IGFBP5: variants seen among roughly 807,000 people sequenced by gnomAD.
IGFBP5 encodes the protein insulin-like growth factor-binding protein 5.
In IGFBP5, 12 loss-of-function variants were observed where a neutral mutation model predicts 28.0. The ratio of observed to expected loss-of-function variants is 0.43; its 90% confidence interval spans 0.27 to 0.69. IGFBP5 has a LOEUF of 0.69. Among genes scored for constraint, IGFBP5 ranks in the 30% least tolerant of loss-of-function variants. The pLI is 0.20. For synonymous variants in IGFBP5, 152 were observed against 150.2 expected, an observed-to-expected ratio of 1.01 and a Z score of -0.09; for missense variants, 344 against 381.6, an observed-to-expected ratio of 0.90 and a Z score of 0.82.
rs1689110844 is a variant in IGFBP5 at position 216,692,389 on chromosome 2, G to GTGTC, written c.337+2049_337+2050insGACA. ...TGTGTGTGTGTGTGTGTGTGTGTGT[G>GTGTC]TGTGTGTGTGTGTGATGCGCCCTCC... is the stretch of plus-strand genomic sequence containing the variant. On this transcript the variant is annotated intron_variant, in intron 1 of 3. Transcript: ENST00000233813. This position sits in a 1 kb window ranked among gnomAD's most constrained non-coding sequence, Gnocchi z 4.2. Among the ~76,000 whole-genome samples, 1 of 151,520 alleles carries GTGTC rather than the reference G, an allele frequency of 6.6e-6. No homozygotes were observed. The highest frequency in any genetic ancestry group is 1.5e-5 in the Non-Finnish European group (1 of 67,634).
chr2:216,681,146 G>C (rs1688974002), intron 1 of IGFBP5, among the ~76,000 whole-genome samples: 3 of 152,208 alleles, frequency 2.0e-5, no homozygotes, highest in Non-Finnish European at 2.9e-5. Flanking sequence ...TCAGATCTTG[G>C]AGAAGAGGGA....
At position 216,692,362 on chromosome 2, in the gene IGFBP5, C is replaced by CGTGTGTGTGTGTGTGTGTGT. The variant is rs59144401; in HGVS notation, c.337+2057_337+2076dup. 2.1e-5 allele frequency among the ~76,000 whole-genome samples: 3 copies of CGTGTGTGTGTGTGTGTGTGT among 142,534 alleles called. No individual in the cohort carries two copies. The highest frequency in any genetic ancestry group is 4.3e-4 in the East Asian group (2 of 4,644). The allele number at this position is 142,534 out of a possible 152,430, so 93.5% of individuals were successfully genotyped here. The stretch of plus-strand genomic sequence containing the variant: ...GGGATCTTGCTTGGGACTGAAGTGT[C>CGTGTGTGTGTGTGTGTGTGT]GTGTGTGTGTGTGTGTGTGTGTGTG... On this transcript the variant is annotated intron_variant, in intron 1 of 3. Coordinates refer to ENST00000233813, the MANE Select transcript of IGFBP5 (RefSeq NM_000599.4). The surrounding 1 kb of genome is among the most constrained non-coding windows in gnomAD (Gnocchi z 4.2).
Position 216,676,682 on chromosome 2 carries a change from GA to G in IGFBP5, c.*68del. 9.9e-7 allele frequency: 1 copy of G among 1,011,344 alleles called. No homozygotes were observed. Among genetic ancestry groups the G allele is most frequent in the Non-Finnish European group, 1.5e-6 (1 of 668,202 alleles). The allele number at this position is 1,011,344 out of a possible 1,614,324, so 62.6% of individuals were successfully genotyped here. A position where few individuals can be genotyped will look rare whatever the true frequency, so the allele number is the denominator to read the frequency against. On this transcript the variant is annotated 3_prime_UTR_variant, in exon 4 of 4. Transcript: ENST00000233813. ...ATGAAATGAGTGGCGTCCTGGGGTG[GA>G]GGGAGGCGCTGGCTGGAGTCGGGGC...
intron 1 of IGFBP5, among the ~76,000 whole-genome samples, chr2:216,681,592 T>C (rs1488415622): frequency 6.6e-6 from 1 of 152,142 alleles, no homozygotes; most frequent in Non-Finnish European, 1.5e-5. Context: ...TCCATCCCCC[T>C]GTGTCCAAGC....
In IGFBP5 at chr2:216,678,104, G is replaced by T; in HGVS notation, c.687+8C>A. ...GTCTGAGCCTGGAGCTCAGGGCAGGGGACGTACCTGCTTTCTCTTGTAGAA... is the reference window on the plus strand; with the variant it reads ...GTCTGAGCCTGGAGCTCAGGGCAGGTGACGTACCTGCTTTCTCTTGTAGAA... On this transcript the variant is annotated splice_region_variant and intron_variant, in intron 3 of 3. Transcript: ENST00000233813. 6.7e-7 allele frequency: 1 copy of T among 1,496,728 alleles called. No individual in the cohort carries two copies. The highest frequency in any genetic ancestry group is 1.4e-5 in the South Asian group (1 of 73,086). The allele number at this position is 1,496,728 out of a possible 1,614,324, so 92.7% of individuals were successfully genotyped here.
Position 216,694,607 on chromosome 2 carries a change from T to C in IGFBP5, c.169A>G (p.Met57Val), listed in dbSNP as rs1407841421. ...TGCCCCTCGGCCAGGGCGCAGGTCA[T>C]GCAGCAGCCGCAGCCCGGCTCCTTG... ...LVKEPGCGCCMTCALAEGQSC... is the reference protein window; with the variant it reads ...LVKEPGCGCCVTCALAEGQSC... The change falls in exon 1 of 4, where the codon ATG becomes GTG. Residue 57 changes from methionine to valine, a missense_variant. This residue lies in a region of IGFBP5 where 304 missense variants were observed against 329.2 expected (regional missense o/e 0.92). Coordinates refer to ENST00000233813, the MANE Select transcript of IGFBP5 (RefSeq NM_000599.4). This position sits in a 1 kb window ranked among gnomAD's most constrained non-coding sequence, Gnocchi z 5.2. The C allele has an allele frequency of 1.3e-6, 2 of 1,542,998 alleles. No individual in the cohort carries two copies. Among genetic ancestry groups the C allele is most frequent in the South Asian group, 2.4e-5 (2 of 82,672 alleles).
chr2:216,694,422 A>G lies in IGFBP5; in HGVS notation c.337+17T>C. On this transcript the variant is annotated intron_variant, in intron 1 of 3. Transcript: ENST00000233813. The surrounding 1 kb of genome is among the most constrained non-coding windows in gnomAD (Gnocchi z 5.2). Reference sequence around the variant, plus strand: ...CCCGTGCGCCGCGTAACTGACTGGCACACTGAGCGCGCTCACCGATCTTGA... The same window carrying G: ...CCCGTGCGCCGCGTAACTGACTGGCGCACTGAGCGCGCTCACCGATCTTGA... The G allele has an allele frequency of 6.7e-7, 1 of 1,500,644 alleles. No individual in the cohort carries two copies. The highest frequency in any genetic ancestry group is 8.9e-7 in the Non-Finnish European group (1 of 1,126,766). The allele number at this position is 1,500,644 out of a possible 1,614,324, so 93.0% of individuals were successfully genotyped here.
chr2:216,683,539 G>A (rs754368696), intron 1 of IGFBP5, among the ~76,000 whole-genome samples: 1 of 152,202 alleles, frequency 6.6e-6, no homozygotes, highest in Non-Finnish European at 1.5e-5. Context: ...GGAGAGTGAA[G>A]GCAGGTGAGG....
Position 216,679,164 on chromosome 2 carries a change from G to A in IGFBP5, c.338-85C>T. ...CCAGGGCTGGGCAGTTTGGGGTGAG[G>A]GGAGTAATAAAGGCTGAAGCAGATG... On this transcript the variant is annotated intron_variant, in intron 1 of 3. Transcript: ENST00000233813. This position sits in a 1 kb window ranked among gnomAD's most constrained non-coding sequence, Gnocchi z 4.6. 5 of 1,048,438 alleles carry A rather than the reference G, an allele frequency of 4.8e-6. No individual in the cohort carries two copies. The highest frequency in any genetic ancestry group is 7.4e-6 in the Non-Finnish European group (5 of 679,048). The allele number at this position is 1,048,438 out of a possible 1,614,324, so 64.9% of individuals were successfully genotyped here.
rs138553887 is a variant in IGFBP5, at chr2:216,678,890, C to T, written c.527G>A (p.Arg176Gln). 82 of 1,614,154 alleles carry T rather than the reference C, an allele frequency of 5.1e-5. No homozygotes were observed. Among genetic ancestry groups the T allele is most frequent in the Non-Finnish European group, 6.4e-5 (76 of 1,180,014 alleles). The change falls in exon 2 of 4, where the codon CGG becomes CAG. Residue 176 changes from arginine (R) to glutamine (Q), a missense_variant. Physicochemically the swap from Arg to Gln is conservative, Grantham distance 43 (BLOSUM62 1). Around this residue, in one of 3 missense-constraint regions of IGFBP5, gnomAD observed 304 missense variants for 329.2 expected, o/e 0.92. Transcript: ENST00000233813. The stretch of plus-strand genomic sequence containing the variant: ...TCTCATCTCAGGTGCAGAGATGATC[C>T]GGGGGTGGGCAGTGTTCTCGGCTCC... ...VGGAENTAHP[R>Q]IISAPEMRQE...
chr2:216,679,004 C>G lies in IGFBP5; in HGVS notation c.413G>C (p.Arg138Pro). 6.2e-7 allele frequency: 1 copy of G among 1,614,068 alleles called. No homozygotes were observed. Among genetic ancestry groups the G allele is most frequent in the Non-Finnish European group, 8.5e-7 (1 of 1,180,016 alleles). The change falls in exon 2 of 4, where the codon CGG becomes CCG. Residue 138 changes from arginine (R) to proline (P), a missense_variant. By Grantham distance (103) the Arg-to-Pro change is moderately radical (BLOSUM62 -2). Coordinates refer to ENST00000233813, the MANE Select transcript of IGFBP5 (RefSeq NM_000599.4). The surrounding 1 kb of genome is among the most constrained non-coding windows in gnomAD (Gnocchi z 4.6). ...AEETYSPKIF[R>P]PKHTRISELK... ...CTCGGAGATGCGGGTGTGTTTGGGC[C>G]GGAAGATCTTGGGGGAGTAGGTCTC...
At chr2:216,693,813 T>C (rs1280411042) in intron 1 of IGFBP5, among the ~76,000 whole-genome samples, 1 of 152,056 alleles carries the variant, frequency 6.6e-6, no homozygotes, top group Non-Finnish European at 1.5e-5. Context: ...GCAATGGTTA[T>C]GCACATGGGA....
chr2:216,694,582 T>G lies in IGFBP5; in HGVS notation c.194A>C (p.Gln65Pro). Residue 65 changes from glutamine to proline, a missense_variant, in exon 1 of 4, where the codon CAG becomes CCG. By Grantham distance (76) the Gln-to-Pro change is moderately conservative. This residue lies in a region of IGFBP5 where 304 missense variants were observed against 329.2 expected (regional missense o/e 0.92). Coordinates refer to ENST00000233813, the MANE Select transcript of IGFBP5 (RefSeq NM_000599.4). The surrounding 1 kb of genome is among the most constrained non-coding windows in gnomAD (Gnocchi z 5.2). ...CCMTCALAEG[Q>P]SCGVYTERCA... ...GCGCTCGGTGTAGACGCCGCACGACTGCCCCTCGGCCAGGGCGCAGGTCAT... is the reference window on the plus strand; with the variant it reads ...GCGCTCGGTGTAGACGCCGCACGACGGCCCCTCGGCCAGGGCGCAGGTCAT... 6.4e-7 allele frequency: 1 copy of G among 1,553,354 alleles called. No individual in the cohort carries two copies. The highest frequency in any genetic ancestry group is 8.7e-7 in the Non-Finnish European group (1 of 1,151,066).
In IGFBP5 at chr2:216,678,130, T is replaced by C. The variant is rs1455716832; in HGVS notation, c.669A>G (p.Gly223=). 6.4e-7 allele frequency: 1 copy of C among 1,557,632 alleles called. No homozygotes were observed. The highest frequency in any genetic ancestry group is 8.7e-7 in the Non-Finnish European group (1 of 1,146,140). ...GACGTACCTGCTTTCTCTTGTAGAA[T>C]CCTTTGCGGTCACAATTGGGCAGGT... The part of the protein sequence containing the change: ...AVYLPNCDRK[G]FYKRKQCKPS... The change falls in exon 3 of 4, where the codon GGA becomes GGG. Residue 223 remains glycine (G), a synonymous_variant. Transcript: ENST00000233813.
chr2:216,681,427 C>A (rs371129837), intron 1 of IGFBP5, among the ~76,000 whole-genome samples: 1 of 152,060 alleles, frequency 6.6e-6, no homozygotes, highest in Non-Finnish European at 1.5e-5. Flanking sequence ...TGCTGACCAG[C>A]GCATGCGTCT....
chr2:216,676,493 G>T lies in IGFBP5; in HGVS notation c.*258C>A. 3.5e-6 allele frequency: 1 copy of T among 285,516 alleles called. No homozygotes were observed. The highest frequency in any genetic ancestry group is 4.2e-5 in the South Asian group (1 of 23,540). 17.7% of individuals were successfully genotyped at this position (285,516 alleles called of 1,614,324 possible). A position where few individuals can be genotyped will look rare whatever the true frequency, so the allele number is the denominator to read the frequency against. On this transcript the variant is annotated 3_prime_UTR_variant, in exon 4 of 4. Transcript: ENST00000233813. ...TCGTTCTTCCTCTCTTCCCTTCTCT[G>T]TTCATCCAACTTGCCTCAAAAAGAA...
At chr2:216,682,834 G>A (rs1688992135) in intron 1 of IGFBP5, among the ~76,000 whole-genome samples, 1 of 151,534 alleles carries the variant, frequency 6.6e-6, no homozygotes, top group Non-Finnish European at 1.5e-5. Context: ...TCATCCTCCC[G>A]AGTAGCTGGG....
At position 216,693,534 on chromosome 2, in the gene IGFBP5, C is replaced by A. The variant is rs559228317; in HGVS notation, c.337+905G>T. On this transcript the variant is annotated intron_variant, in intron 1 of 3. Coordinates refer to ENST00000233813, the MANE Select transcript of IGFBP5 (RefSeq NM_000599.4). ...TCTGCATAGGCGAGGAAGTTGAAAGCTCTGAATCTCACATCCCCTTTTGCC... is the reference window on the plus strand; with the variant it reads ...TCTGCATAGGCGAGGAAGTTGAAAGATCTGAATCTCACATCCCCTTTTGCC... Among the ~76,000 whole-genome samples the A allele has an allele frequency of 2.0e-5, 3 of 152,116 alleles. No individual in the cohort carries two copies. In the South Asian group the frequency reaches 6.2e-4, roughly 32 times the overall value.
Position 216,677,664 on chromosome 2 carries a change from G to A in IGFBP5, c.687+448C>T, listed in dbSNP as rs11575202. On this transcript the variant is annotated intron_variant, in intron 3 of 3. Coordinates refer to ENST00000233813, the MANE Select transcript of IGFBP5 (RefSeq NM_000599.4). ...ACCAATCAGAAACTGCAGGGGTGGGGCCCAGCCATCAGCCATGCCCTCCAG... is the reference window on the plus strand; with the variant it reads ...ACCAATCAGAAACTGCAGGGGTGGGACCCAGCCATCAGCCATGCCCTCCAG... Among the ~76,000 whole-genome samples, 815 of 152,274 alleles carry A rather than the reference G, an allele frequency of 5.4e-3. 6 individuals carry two copies. The highest frequency in any genetic ancestry group is 0.019 in the African/African-American group (779 of 41,550).
Sources: allele counts gnomAD v4.1 joint callset (sites outside exome capture counted in the v4.1 genomes callset), GRCh38; gene constraint gnomAD v4.1.1; regional missense constraint gnomAD v4.1.1; non-coding constraint Gnocchi (gnomAD v3.1); transcripts MANE v1.5; gene names NCBI Gene and HGNC (gene_info 2026-07-23, HGNC 2026-07-21).